IQSEC1: variants seen among roughly 807,000 people sequenced by gnomAD.
IQSEC1 encodes IQ motif and SEC7 domain-containing protein 1.
IQSEC1 carries 31 observed loss-of-function variants against 91.0 expected under a neutral mutation model. That is an observed-to-expected ratio of 0.34 (90% CI 0.26 to 0.46). The LOEUF is 0.46. Among genes scored for constraint, IQSEC1 ranks in the 20% least tolerant of loss-of-function variants. The pLI, the probability that IQSEC1 is intolerant of heterozygous loss-of-function variation, is 1.00. For synonymous variants in IQSEC1, 699 were observed against 662.6 expected (o/e 1.05, Z -0.84); for missense variants, 1,388 against 1,575.6 (o/e 0.88, Z 2.02).
At chr3:13,024,351 G>C (rs978843906) in intron 1 of IQSEC1, among the ~76,000 whole-genome samples, 1 of 142,044 alleles carries the variant, frequency 7.0e-6, no homozygotes, top group Non-Finnish European at 1.5e-5. Flanking sequence ...TCCCTCACCC[G>C]CACATACACC....
intron 2 of IQSEC1, among the ~76,000 whole-genome samples, chr3:13,106,324 C>T (rs1048482280): frequency 1.3e-5 from 2 of 152,334 alleles, no homozygotes; most frequent in Non-Finnish European, 2.9e-5. Flanking sequence ...GCCTCAGCCA[C>T]TGCCTGCTTG....
intron 2 of IQSEC1, among the ~76,000 whole-genome samples, chr3:13,099,323 T>A (rs895515650): frequency 1.3e-5 from 2 of 152,098 alleles, no homozygotes; most frequent in Non-Finnish European, 2.9e-5. Flanking sequence ...GCAAATGAGG[T>A]TTCGGGTGTG....
chr3:13,050,041 C>T (rs1157606666), intron 1 of IQSEC1, among the ~76,000 whole-genome samples: 2 of 151,702 alleles, frequency 1.3e-5, no homozygotes, highest in African/African-American at 4.8e-5. Context: ...CTTCTCCCCA[C>T]CTGTGTACCT....
intron 1 of IQSEC1, among the ~76,000 whole-genome samples, chr3:13,280,793 C>G (rs1216664706): frequency 6.6e-6 from 1 of 152,242 alleles, no homozygotes; most frequent in East Asian, 1.9e-4. Context: ...TGACCTAGAC[C>G]GTGGGCTGAG....
intron 2 of IQSEC1, among the ~76,000 whole-genome samples, chr3:13,164,016 C>T (rs1693414508): frequency 6.6e-6 from 1 of 152,154 alleles, no homozygotes; most frequent in Non-Finnish European, 1.5e-5. Flanking sequence ...CTGGGAGACC[C>T]GCAGGGAGAA....
rs1422866128 is a variant in IQSEC1, at chr3:12,909,075, G to A, written c.2578+198C>T. Among the ~76,000 whole-genome samples the A allele has an allele frequency of 2.0e-5, 3 of 152,334 alleles. No individual in the cohort carries two copies. Among genetic ancestry groups the A allele is most frequent in the African/African-American group, 2.4e-5 (1 of 41,584 alleles). On this transcript the variant is annotated intron_variant, in intron 11 of 13. Transcript: ENST00000613206. The surrounding 1 kb of genome is among the most constrained non-coding windows in gnomAD (Gnocchi z 4.9). ...ACATACAACAGGCAACAGGTAGGGCGGGTCCTGGATTGGACTCCCTCTGTG... is the reference window on the plus strand; with the variant it reads ...ACATACAACAGGCAACAGGTAGGGCAGGTCCTGGATTGGACTCCCTCTGTG...
chr3:13,278,224 C>T (rs1284125236), intron 1 of IQSEC1, among the ~76,000 whole-genome samples: 4 of 152,106 alleles, frequency 2.6e-5, no homozygotes, highest in Non-Finnish European at 4.4e-5. Context: ...GACCAGAAAG[C>T]GAGGCAGGCC....
At chr3:13,133,008 T>C (rs1236257120) in intron 2 of IQSEC1, among the ~76,000 whole-genome samples, 1 of 152,234 alleles carries the variant, frequency 6.6e-6, no homozygotes, top group Non-Finnish European at 1.5e-5. Context: ...GATTGTTTCA[T>C]ATTAAAATTT....
intron 5 of IQSEC1, among the ~76,000 whole-genome samples, chr3:12,921,130 C>T (rs1696591471): frequency 6.6e-6 from 1 of 152,032 alleles, no homozygotes; most frequent in Non-Finnish European, 1.5e-5. Flanking sequence ...TGGAGTCAGC[C>T]CGCTTGCCAC....
chr3:13,068,666 T>C (rs1705317147), intron 1 of IQSEC1, among the ~76,000 whole-genome samples: 1 of 152,046 alleles, frequency 6.6e-6, no homozygotes, highest in Non-Finnish European at 1.5e-5. Context: ...AGCAACACCA[T>C]CCTCCCTCTG....
At chr3:13,048,631 C>G (rs1423944503) in intron 1 of IQSEC1, among the ~76,000 whole-genome samples, 1 of 152,218 alleles carries the variant, frequency 6.6e-6, no homozygotes, top group African/African-American at 2.4e-5. Flanking sequence ...CCTACTTGCT[C>G]TCATACAAGA....
In IQSEC1 at chr3:13,266,723, C is replaced by T. The variant is rs541871842; in HGVS notation, c.272+15988G>A. On this transcript the variant is annotated intron_variant, in intron 1 of 15. Coordinates refer to the IQSEC1 transcript ENST00000648114. ...ACAGGGAGACCCCACATGCTGAATC[C>T]CCAGGGTCCCTGAAGGATAGCACAA... 1.1e-3 allele frequency among the ~76,000 whole-genome samples: 166 copies of T among 152,212 alleles called. 2 individuals are homozygous for T. The South Asian group carries it at 0.014, about 13-fold the overall frequency.
intron 1 of IQSEC1, among the ~76,000 whole-genome samples, chr3:13,041,552 C>T (rs1704270104): frequency 6.6e-6 from 1 of 152,188 alleles, no homozygotes; most frequent in African/African-American, 2.4e-5. Context: ...TTTAATAACA[C>T]GCCGTTCAAG....
rs78445476 is a variant in IQSEC1 at position 13,112,495 on chromosome 3, G to A, written c.302+51609C>T. Among the ~76,000 whole-genome samples the A allele has an allele frequency of 2.2e-4, 33 of 152,348 alleles. No homozygotes were observed. In the East Asian group the frequency reaches 4.1e-3, roughly 19 times the overall value. On this transcript the variant is annotated intron_variant, in intron 2 of 15. Transcript: ENST00000648114. ...ACAACCAATCAACAAAGAGACGTCC[G>A]GAAAAAGCTCTGCCCAGCCCTGAGA...
At position 12,941,880 on chromosome 3, in the gene IQSEC1, G is replaced by C; in HGVS notation, c.24-15C>G. On this transcript the variant is annotated splice_polypyrimidine_tract_variant and intron_variant, in intron 1 of 13. Coordinates refer to ENST00000613206, the MANE Select transcript of IQSEC1 (RefSeq NM_001134382.3). ...CGCCCTCGACGCTGCAGAGGAGAGA[G>C]AGGTGAGAAGCTTCTGGTAAGCGGG... 1.3e-6 allele frequency: 2 copies of C among 1,563,812 alleles called. No homozygotes were observed. Among genetic ancestry groups the C allele is most frequent in the Non-Finnish European group, 1.7e-6 (2 of 1,152,804 alleles).
chr3:13,165,538 GTGTGTGTGT>G, intron 1 of IQSEC1, among the ~76,000 whole-genome samples: 2 of 22,200 alleles, frequency 9.0e-5, no homozygotes, highest in Admixed American at 3.8e-4. Flanking sequence ...GGGGGGTGGC[GTGTGTGTGT>G]GTGTGTGTGT....
chr3:12,915,086 A>G lies in IQSEC1; in HGVS notation c.2190+18T>C. The G allele has an allele frequency of 6.2e-7, 1 of 1,600,074 alleles. No homozygotes were observed. The stretch of plus-strand genomic sequence containing the variant: ...GGCGGCGGGCTACCCACAAAGGTAA[A>G]ACCAGAGAAATACTCACACAGCCGA... On this transcript the variant is annotated intron_variant, in intron 8 of 13. Transcript: ENST00000613206.
chr3:13,065,061 GAC>G (rs1229748748), intron 1 of IQSEC1, among the ~76,000 whole-genome samples: 1 of 152,248 alleles, frequency 6.6e-6, no homozygotes, highest in African/African-American at 2.4e-5. Context: ...GCCTGGGGAA[GAC>G]ACACAGGGCT....
At chr3:13,066,856 G>A (rs759006498) in intron 1 of IQSEC1, among the ~76,000 whole-genome samples, 9 of 152,248 alleles carry the variant, frequency 5.9e-5, no homozygotes, top group Admixed American at 2.0e-4. Flanking sequence ...CGTGTGTCAG[G>A]ACGTGGACTA....
Sources: allele counts gnomAD v4.1 joint callset (sites outside exome capture counted in the v4.1 genomes callset), GRCh38; gene constraint gnomAD v4.1.1; non-coding constraint Gnocchi (gnomAD v3.1); transcripts MANE v1.5; gene names NCBI Gene and HGNC (gene_info 2026-07-23, HGNC 2026-07-21).